The following MAN1A2 variants were observed in gnomAD, a reference collection of about 807,000 sequenced individuals.
MAN1A2 encodes the protein mannosidase alpha class 1A member 2, also known as mannosyl-oligosaccharide 1,2-alpha-mannosidase IB.
A neutral mutation model predicts 75.7 loss-of-function variants in MAN1A2; 26 were observed. The ratio of observed to expected loss-of-function variants is 0.34; its 90% CI spans 0.25 to 0.48. The LOEUF (loss-of-function observed/expected upper bound fraction) is 0.48. Ranked by LOEUF, MAN1A2 falls within the 20% of genes least tolerant of loss-of-function variation. MAN1A2 has a pLI of 0.99. For missense variants in MAN1A2, 562 were observed against 775.5 expected (o/e 0.72, Z 3.27); for synonymous variants, 247 against 264.6 (o/e 0.93, Z 0.65).
chr1:117,469,670 T>C (rs1650088922), intron 8 of MAN1A2, among the ~76,000 whole-genome samples: 1 of 152,070 alleles, frequency 6.6e-6, no homozygotes, highest in Non-Finnish European at 1.5e-5. Flanking sequence ...AATTAAATAA[T>C]GGGTGAGGAC....
rs758299671 is a variant in MAN1A2, at chr1:117,380,371, C to T, written c.302+11886C>T. Among the ~76,000 whole-genome samples, 160 of 152,166 alleles carry T rather than the reference C, an allele frequency of 1.1e-3. 1 individual carries two copies. The highest frequency in any genetic ancestry group is 3.3e-3 in the African/African-American group (138 of 41,546). ...AAAAGTTTTTAATTTTGGTGAAGTCCGATTTATCTGTTTTCTTTTGTTGCT... is the reference window on the plus strand; with the variant it reads ...AAAAGTTTTTAATTTTGGTGAAGTCTGATTTATCTGTTTTCTTTTGTTGCT... On this transcript the variant is annotated intron_variant, in intron 1 of 12. Transcript: ENST00000356554.
intron 8 of MAN1A2, among the ~76,000 whole-genome samples, chr1:117,484,178 C>T (rs1211180733): frequency 6.6e-6 from 1 of 151,820 alleles, no homozygotes; most frequent in African/African-American, 2.4e-5. Flanking sequence ...ATATTATATA[C>T]TGTATTCTTA....
chr1:117,406,761 C>T lies in MAN1A2; in HGVS notation c.655+1116C>T, dbSNP rs115581125. Among the ~76,000 whole-genome samples the T allele has an allele frequency of 4.1e-3, 617 of 152,026 alleles. 4 individuals are homozygous for T. The highest frequency in any genetic ancestry group is 0.014 in the African/African-American group (570 of 41,508). On this transcript the variant is annotated intron_variant, in intron 3 of 12. Coordinates refer to ENST00000356554, the MANE Select transcript of MAN1A2 (RefSeq NM_006699.5). ...AAAGTTCTTACTGCTTTGTGGATGT[C>T]ACAATATGAGGCGTTAGTGCAATAA...
intron 5 of MAN1A2, among the ~76,000 whole-genome samples, chr1:117,421,588 T>C (rs1314576962): frequency 6.6e-6 from 1 of 151,976 alleles, no homozygotes; most frequent in Non-Finnish European, 1.5e-5. Flanking sequence ...TTTATTGTTG[T>C]TCCTTTGTGT....
At chr1:117,444,837 A>G (rs1177122182) in intron 6 of MAN1A2, among the ~76,000 whole-genome samples, 1 of 152,110 alleles carries the variant, frequency 6.6e-6, no homozygotes, top group Non-Finnish European at 1.5e-5. Context: ...GCTTATATAT[A>G]CAAATATATG....
At chr1:117,384,715 G>A (rs1289961) in intron 1 of MAN1A2, among the ~76,000 whole-genome samples, 116,696 of 152,036 alleles carry the variant, frequency 0.77, 45,003 homozygotes, top group African/African-American at 0.82. Flanking sequence ...TTCATTTCTG[G>A]CCATGATTTC....
chr1:117,368,861 A>G (rs1358020673), intron 1 of MAN1A2, among the ~76,000 whole-genome samples: 1 of 152,176 alleles, frequency 6.6e-6, no homozygotes, highest in Non-Finnish European at 1.5e-5. Flanking sequence ...GGAGTCAGTC[A>G]TTGTGCCACC....
intron 6 of MAN1A2, among the ~76,000 whole-genome samples, chr1:117,459,823 A>T (rs568663153): frequency 6.6e-6 from 1 of 152,294 alleles, no homozygotes; most frequent in East Asian, 1.9e-4. Context: ...GTGTATATTT[A>T]TGTAATATAT....
At chr1:117,490,126 C>A (rs759895704) in intron 8 of MAN1A2, among the ~76,000 whole-genome samples, 1 of 151,902 alleles carries the variant, frequency 6.6e-6, no homozygotes, top group African/African-American at 2.4e-5. Context: ...CAAATATAGG[C>A]ATACCCATAT....
At chr1:117,510,505 G>A (rs1434960560) in intron 12 of MAN1A2, among the ~76,000 whole-genome samples, 1 of 151,976 alleles carries the variant, frequency 6.6e-6, no homozygotes, top group Non-Finnish European at 1.5e-5. Flanking sequence ...GAACACAGAT[G>A]AAAAGTCAAA....
intron 5 of MAN1A2, among the ~76,000 whole-genome samples, chr1:117,422,475 A>G (rs1648228873): frequency 6.6e-6 from 1 of 152,158 alleles, no homozygotes; most frequent in African/African-American, 2.4e-5. Context: ...TTGGATAAAT[A>G]CATAGGAATG....
At chr1:117,483,042 A>G (rs1351817747) in intron 8 of MAN1A2, among the ~76,000 whole-genome samples, 6 of 152,034 alleles carry the variant, frequency 3.9e-5, no homozygotes, top group Non-Finnish European at 1.5e-5. Context: ...CAAAGGTCAG[A>G]TGGTTGTAGA....
chr1:117,403,958 T>C (rs938152748), intron 2 of MAN1A2, among the ~76,000 whole-genome samples: 2 of 152,184 alleles, frequency 1.3e-5, no homozygotes, highest in Non-Finnish European at 2.9e-5. Context: ...AATTGTAGTT[T>C]ACTGAGAGTT....
At chr1:117,440,491 G>A (rs1322664205) in intron 5 of MAN1A2, among the ~76,000 whole-genome samples, 2 of 151,908 alleles carry the variant, frequency 1.3e-5, no homozygotes, top group African/African-American at 2.4e-5. Context: ...CTGAAAATAG[G>A]GAAGATAAGT....
At chr1:117,437,473 C>G (rs1648883270) in intron 5 of MAN1A2, among the ~76,000 whole-genome samples, 1 of 151,944 alleles carries the variant, frequency 6.6e-6, no homozygotes. Flanking sequence ...GTATACACAT[C>G]AATTAATAAA....
At position 117,465,388 on chromosome 1, in the gene MAN1A2, A is replaced by T. The variant is rs371311025; in HGVS notation, c.1075-946A>T. Among the ~76,000 whole-genome samples the T allele has an allele frequency of 4.0e-4, 61 of 152,302 alleles. No homozygotes were observed. In the South Asian group the frequency reaches 0.013, roughly 32 times the overall value. On this transcript the variant is annotated intron_variant, in intron 7 of 12. Coordinates refer to ENST00000356554, the MANE Select transcript of MAN1A2 (RefSeq NM_006699.5). The stretch of plus-strand genomic sequence containing the variant: ...ATTTTTCAGATTGAGATTGTTATAC[A>T]TAGTGTTGGTCTCAAATGTGAAAGA...
chr1:117,507,436 A>C (rs1242813771), intron 12 of MAN1A2, among the ~76,000 whole-genome samples: 1 of 151,710 alleles, frequency 6.6e-6, no homozygotes, highest in South Asian at 2.1e-4. Flanking sequence ...CCTCTTTCTC[A>C]GTAAGTTTTT....
intron 8 of MAN1A2, among the ~76,000 whole-genome samples, chr1:117,492,317 A>G (rs1278524447): frequency 2.6e-5 from 4 of 152,106 alleles, no homozygotes; most frequent in South Asian, 4.1e-4. Context: ...AGCAACCATT[A>G]TCATCAAGGC....
Position 117,525,036 on chromosome 1 carries a change from C to T in MAN1A2, c.*2079C>T. 6.2e-6 allele frequency: 3 copies of T among 483,122 alleles called. No individual in the cohort carries two copies. The highest frequency in any genetic ancestry group is 4.6e-5 in the South Asian group (3 of 64,880). 29.9% of individuals were successfully genotyped at this position (483,122 alleles called of 1,614,324 possible). ...GATGGCAATGAACTCTCTGAATTCTCTTTTACCTTATTTAGAAGAATGCAG... is the reference window on the plus strand; with the variant it reads ...GATGGCAATGAACTCTCTGAATTCTTTTTTACCTTATTTAGAAGAATGCAG... On this transcript the variant is annotated 3_prime_UTR_variant, in exon 13 of 13. Transcript: ENST00000356554.
Sources: allele counts gnomAD v4.1 joint callset (sites outside exome capture counted in the v4.1 genomes callset), GRCh38; gene constraint gnomAD v4.1.1; transcripts MANE v1.5; gene names NCBI Gene and HGNC (gene_info 2026-07-23, HGNC 2026-07-21).